CACNA1I: variants seen among roughly 807,000 people sequenced by gnomAD.
CACNA1I encodes calcium voltage-gated channel subunit alpha1 I.
A neutral mutation model predicts 201.6 loss-of-function variants in CACNA1I; 74 were observed. The observed-to-expected ratio is 0.37, with a 90% CI of 0.30 to 0.45. The LOEUF is 0.45. Ranked by LOEUF, CACNA1I falls within the 20% of genes least tolerant of loss-of-function variation. The probability of loss-of-function intolerance (pLI) is 1.00; values close to 1 mark genes in which losing one functional copy is unlikely to be tolerated. For missense variants in CACNA1I, 2,346 were observed against 3,138.1 expected (o/e 0.75, Z 6.03); for synonymous variants, 1,431 against 1,345.2 (o/e 1.06, Z -1.40).
chr22:39,686,164 C>T lies in CACNA1I; in HGVS notation c.6431C>T (p.Ala2144Val), dbSNP rs1464906435. ...SLFCPPPPPPAPGLTPARKFS... is the reference protein window; with the variant it reads ...SLFCPPPPPPVPGLTPARKFS... ...TTCTGCCCGCCGCCCCCGCCGCCAGCCCCCGGCCTCACGCCCGCCAGGAAG... is the reference window on the plus strand; with the variant it reads ...TTCTGCCCGCCGCCCCCGCCGCCAGTCCCCGGCCTCACGCCCGCCAGGAAG... Residue 2144 changes from alanine (A) to valine (V), a missense_variant, in exon 37 of 37, where the codon GCC becomes GTC. This residue lies in a region of CACNA1I where 187 missense variants were observed against 151.0 expected (regional missense o/e 1.24). Transcript: ENST00000402142. 1.2e-5 allele frequency: 16 copies of T among 1,287,952 alleles called. No individual in the cohort carries two copies. Among genetic ancestry groups the T allele is most frequent in the Non-Finnish European group, 1.6e-5 (16 of 1,017,764 alleles). 79.8% of individuals were successfully genotyped at this position (1,287,952 alleles called of 1,614,324 possible).
At chr22:39,664,633 A>T in intron 20 of CACNA1I, 106 bp from the exon 21 acceptor site, 1 of 230,378 alleles carries the variant, frequency 4.3e-6, no homozygotes, top group Non-Finnish European at 8.4e-6. Flanking sequence ...CCCCTCCCCG[A>T]AGCCGATCAG....
chr22:39,599,140 G>A (rs1256431580), intron 2 of CACNA1I, among the ~76,000 whole-genome samples: 1 of 148,496 alleles, frequency 6.7e-6, no homozygotes, highest in African/African-American at 2.5e-5. Flanking sequence ...AGTAGAGACG[G>A]GGTTTCACCA....
chr22:39,658,587 T>C (rs1934899318), intron 11 of CACNA1I, among the ~76,000 whole-genome samples: 1 of 152,260 alleles, frequency 6.6e-6, no homozygotes, highest in Non-Finnish European at 1.5e-5. Context: ...AGACACCAGT[T>C]ACTTTGATTG....
intron 34 of CACNA1I, 62 bp from the exon 35 acceptor site, chr22:39,682,434 G>A: frequency 6.9e-7 from 1 of 1,454,700 alleles, no homozygotes; most frequent in South Asian, 1.2e-5. Context: ...AGGTCATGAG[G>A]TACCCTTCAT....
In CACNA1I at chr22:39,677,436, G is replaced by A. The variant is rs375819606; in HGVS notation, c.4933+17G>A. On this transcript the variant is annotated intron_variant, in intron 30 of 36. Transcript: ENST00000402142. The surrounding 1 kb of genome is among the most constrained non-coding windows in gnomAD (Gnocchi z 4.8). ...GGAAGCTGGGTGAGTGACTCCCAGA[G>A]CAGGCCCGTGGTGGGGGTGCAGCAG... The A allele has an allele frequency of 3.3e-6, 5 of 1,525,358 alleles. No individual in the cohort carries two copies. Among genetic ancestry groups the A allele is most frequent in the Non-Finnish European group, 4.4e-6 (5 of 1,132,594 alleles). The allele number at this position is 1,525,358 out of a possible 1,614,324, so 94.5% of individuals were successfully genotyped here.
At chr22:39,637,556 A>G (rs943727137) in intron 5 of CACNA1I, among the ~76,000 whole-genome samples, 1 of 152,128 alleles carries the variant, frequency 6.6e-6, no homozygotes, top group Non-Finnish European at 1.5e-5. Flanking sequence ...GCTTATATAT[A>G]CCCAAAGATG....
chr22:39,599,341 C>T (rs561895232), intron 2 of CACNA1I, among the ~76,000 whole-genome samples: 2 of 147,274 alleles, frequency 1.4e-5, no homozygotes, highest in South Asian at 4.5e-4. Context: ...GACCCCTGGC[C>T]GGGCGCGGTG....
intron 1 of CACNA1I, among the ~76,000 whole-genome samples, chr22:39,585,645 C>A (rs1195471123): frequency 6.7e-6 from 1 of 148,912 alleles, no homozygotes; most frequent in East Asian, 2.0e-4. Context: ...ACCTCGGCCT[C>A]CCAAAGTGCT....
At chr22:39,577,270 A>G (rs951752899) in intron 1 of CACNA1I, among the ~76,000 whole-genome samples, 4 of 152,244 alleles carry the variant, frequency 2.6e-5, no homozygotes, top group African/African-American at 9.6e-5. Context: ...TCCTGACTTC[A>G]GGTAATCTGC....
intron 5 of CACNA1I, among the ~76,000 whole-genome samples, chr22:39,637,089 C>T (rs1194641463): frequency 2.6e-5 from 4 of 152,344 alleles, no homozygotes; most frequent in Admixed American, 6.5e-5. Context: ...CACTCACCGA[C>T]CCCTTCCAGG....
At position 39,598,275 on chromosome 22, in the gene CACNA1I, C is replaced by CCCCGT. The variant is rs1932937218; in HGVS notation, c.348+17_348+18insTCCCG. The CCCCGT allele has an allele frequency of 1.5e-6, 2 of 1,307,324 alleles. No homozygotes were observed. The highest frequency in any genetic ancestry group is 1.0e-6 in the Non-Finnish European group (1 of 969,780). 81.0% of individuals were successfully genotyped at this position (1,307,324 alleles called of 1,614,324 possible). ...CAAGATCCTGCAGGTGAGCCGGCCG[C>CCCCGT]CCCGCCCCGCCCCGCCCTGCCCTCA... is the stretch of plus-strand genomic sequence containing the variant. On this transcript the variant is annotated intron_variant, in intron 2 of 36. Transcript: ENST00000402142.
At chr22:39,646,536 C>T (rs925510247) in intron 7 of CACNA1I, 33 bp from the exon 8 acceptor site, 3 of 1,511,444 alleles carry the variant, frequency 2.0e-6, no homozygotes, top group Non-Finnish European at 2.7e-6. Context: ...CATCCCTGTC[C>T]CTGTCCCTGT....
chr22:39,608,116 C>CAAAAA (rs147887508), intron 3 of CACNA1I, among the ~76,000 whole-genome samples: 1 of 106,694 alleles, frequency 9.4e-6, no homozygotes, highest in Non-Finnish European at 1.9e-5. Flanking sequence ...ACTCCATCTC[C>CAAAAA]AAAAAAAAAA....
At chr22:39,650,321 AT>A (rs926680217) in intron 10 of CACNA1I, among the ~76,000 whole-genome samples, 8 of 149,246 alleles carry the variant, frequency 5.4e-5, no homozygotes, top group African/African-American at 2.0e-4. Context: ...AAAAAAAAAA[AT>A]TTAAAAAACA....
rs189276934 is a variant in CACNA1I, at chr22:39,588,796, G to A, written c.237-9355G>A. Among the ~76,000 whole-genome samples, 21 of 152,268 alleles carry A rather than the reference G, an allele frequency of 1.4e-4. No homozygotes were observed. The East Asian group carries it at 3.9e-3, about 28-fold the overall frequency. On this transcript the variant is annotated intron_variant, in intron 1 of 36. Coordinates refer to ENST00000402142, the MANE Select transcript of CACNA1I (RefSeq NM_021096.4). ...CCACCTGCCTTGGGTACTCCCCAAC[G>A]TTACTGCTCTTCTGACCTTCTTCAC...
intron 31 of CACNA1I, among the ~76,000 whole-genome samples, chr22:39,678,495 G>A (rs1935584776): frequency 6.6e-6 from 1 of 152,212 alleles, no homozygotes; most frequent in African/African-American, 2.4e-5. Flanking sequence ...GGCTGGGCTG[G>A]GAAGGGCAGG....
In CACNA1I at chr22:39,684,259, C is replaced by A; in HGVS notation, c.5831-43C>A. 1 of 1,582,040 alleles carries A rather than the reference C, an allele frequency of 6.3e-7. No homozygotes were observed. Among genetic ancestry groups the A allele is most frequent in the Non-Finnish European group, 8.7e-7 (1 of 1,155,718 alleles). On this transcript the variant is annotated intron_variant, in intron 35 of 36. Transcript: ENST00000402142. This position sits in a 1 kb window ranked among gnomAD's most constrained non-coding sequence, Gnocchi z 4.6. ...CCACCTTCCAGGGGCTGCCCCCTGG[C>A]CTGAGCGTGCTCCCTCAGCTCTGTC...
At position 39,684,581 on chromosome 22, in the gene CACNA1I, G is replaced by C; in HGVS notation, c.6027+83G>C. 2 of 1,454,988 alleles carry C rather than the reference G, an allele frequency of 1.4e-6. No homozygotes were observed. Among genetic ancestry groups the C allele is most frequent in the Non-Finnish European group, 9.5e-7 (1 of 1,058,160 alleles). 90.1% of individuals were successfully genotyped at this position (1,454,988 alleles called of 1,614,324 possible). Reference sequence around the variant, plus strand: ...GCCAGGCCTGGAAGTCCAAGGGACTGGGAGGGGAAGGACCCAACCAAAGGC... The same window carrying C: ...GCCAGGCCTGGAAGTCCAAGGGACTCGGAGGGGAAGGACCCAACCAAAGGC... On this transcript the variant is annotated intron_variant, in intron 36 of 36. Transcript: ENST00000402142. The surrounding 1 kb of genome is among the most constrained non-coding windows in gnomAD (Gnocchi z 4.6).
intron 5 of CACNA1I, among the ~76,000 whole-genome samples, chr22:39,637,678 A>C (rs1002904495): frequency 2.6e-5 from 4 of 152,236 alleles, no homozygotes; most frequent in Non-Finnish European, 5.9e-5. Flanking sequence ...ATACTCACAG[A>C]CATGAAAAAG....
Sources: allele counts gnomAD v4.1 joint callset (sites outside exome capture counted in the v4.1 genomes callset), GRCh38; gene constraint gnomAD v4.1.1; regional missense constraint gnomAD v4.1.1; non-coding constraint Gnocchi (gnomAD v3.1); transcripts MANE v1.5; gene names NCBI Gene and HGNC (gene_info 2026-07-23, HGNC 2026-07-21).